The following ZBTB7C variants were observed in gnomAD, a reference collection of about 807,000 sequenced individuals.
The protein encoded by ZBTB7C is zinc finger and BTB domain containing 7C.
In ZBTB7C, 8 loss-of-function variants were observed where a neutral mutation model predicts 25.7. That is an observed-to-expected ratio of 0.31 (90% CI 0.18 to 0.56). ZBTB7C has a LOEUF of 0.56. Among genes scored for constraint, ZBTB7C ranks in the 20% least tolerant of loss-of-function variants. ZBTB7C has a pLI of 0.91. For synonymous variants in ZBTB7C, 394 were observed against 369.0 expected, an observed-to-expected ratio of 1.07 and a Z score of -0.78; for missense variants, 824 against 855.2, an observed-to-expected ratio of 0.96 and a Z score of 0.46.
chr18:48,202,184 G>A (rs115956819), intron 2 of ZBTB7C, among the ~76,000 whole-genome samples: 2,837 of 152,320 alleles, frequency 0.019, 97 homozygotes, highest in African/African-American at 0.065. Context: ...TGCAGGGGCT[G>A]GGAGGAGGCA....
intron 1 of ZBTB7C, among the ~76,000 whole-genome samples, chr18:48,388,622 G>A (rs1400722997): frequency 1.3e-5 from 2 of 152,178 alleles, no homozygotes; most frequent in Admixed American, 1.3e-4. Context: ...GGTAGTACAT[G>A]CCTGTGATCC....
intron 1 of ZBTB7C, among the ~76,000 whole-genome samples, chr18:48,404,811 T>C (rs1385956930): frequency 1.3e-5 from 2 of 148,932 alleles, no homozygotes; most frequent in Non-Finnish European, 3.0e-5. Context: ...GCAGCATTCA[T>C]TCAGCAAATG....
At chr18:48,314,799 G>A (rs989992599) in intron 2 of ZBTB7C, among the ~76,000 whole-genome samples, 6 of 152,152 alleles carry the variant, frequency 3.9e-5, no homozygotes, top group African/African-American at 1.4e-4. Context: ...AAGGGTGCAG[G>A]CTGCAGGCCA....
chr18:48,321,732 C>T (rs1255054788), intron 2 of ZBTB7C, among the ~76,000 whole-genome samples: 1 of 152,182 alleles, frequency 6.6e-6, no homozygotes, highest in Non-Finnish European at 1.5e-5. Context: ...CTCCCAAGGG[C>T]AGCCAGCCTC....
At chr18:48,206,279 G>A (rs2042574334) in intron 2 of ZBTB7C, among the ~76,000 whole-genome samples, 1 of 152,196 alleles carries the variant, frequency 6.6e-6, no homozygotes, top group African/African-American at 2.4e-5. Context: ...ATAGAATCCA[G>A]AGATAGACAT....
chr18:48,171,573 G>A lies in ZBTB7C; in HGVS notation c.-17+14361C>T, dbSNP rs1382745209. On this transcript the variant is annotated intron_variant, in intron 3 of 4. Coordinates refer to ENST00000590800, the MANE Select transcript of ZBTB7C (RefSeq NM_001318841.2). ...TTAATGCCTGGAGGGCAAGGATGCT[G>A]TACCCATTCCTGCAGCCCCAGCCCC... Among the ~76,000 whole-genome samples, 4 of 152,264 alleles carry A rather than the reference G, an allele frequency of 2.6e-5. No individual in the cohort carries two copies. The South Asian group carries it at 8.3e-4, about 31-fold the overall frequency.
intron 1 of ZBTB7C, among the ~76,000 whole-genome samples, chr18:48,383,572 G>T (rs1294749052): frequency 6.6e-6 from 1 of 152,144 alleles, no homozygotes; most frequent in Non-Finnish European, 1.5e-5. Context: ...CTGGCCAAGT[G>T]CAATCTTTTT....
chr18:48,165,201 G>C (rs1376821556), intron 3 of ZBTB7C: 2 of 1,125,188 alleles, frequency 1.8e-6, no homozygotes, highest in Non-Finnish European at 2.4e-6. Context: ...AGGTCACAAA[G>C]CAATTTAGAG....
chr18:48,151,194 T>C (rs973655099), intron 3 of ZBTB7C, among the ~76,000 whole-genome samples: 2 of 152,198 alleles, frequency 1.3e-5, no homozygotes, highest in Non-Finnish European at 2.9e-5. Flanking sequence ...GGATTGCATC[T>C]GAAGCATGTT....
At chr18:48,230,416 G>A (rs1383675667) in intron 2 of ZBTB7C, among the ~76,000 whole-genome samples, 3 of 151,838 alleles carry the variant, frequency 2.0e-5, no homozygotes, top group African/African-American at 7.3e-5. Context: ...GAATCCCTGT[G>A]TATTCCTTTT....
chr18:48,396,955 C>A (rs1297835509), intron 1 of ZBTB7C, among the ~76,000 whole-genome samples: 2 of 152,206 alleles, frequency 1.3e-5, no homozygotes, highest in African/African-American at 4.8e-5. Flanking sequence ...TCTGATATTT[C>A]TTGGTGCTGT....
chr18:48,253,564 G>A (rs2043932185), intron 2 of ZBTB7C, among the ~76,000 whole-genome samples: 1 of 152,184 alleles, frequency 6.6e-6, no homozygotes, highest in East Asian at 1.9e-4. Flanking sequence ...CATTCTTCCT[G>A]AGTAGAAGAG....
At chr18:48,186,696 C>T (rs527537816) in intron 2 of ZBTB7C, among the ~76,000 whole-genome samples, 8 of 152,276 alleles carry the variant, frequency 5.3e-5, no homozygotes, top group South Asian at 4.1e-4. Flanking sequence ...GGGCAATTAA[C>T]GCCCAGAGGC....
rs540262753 is a variant in ZBTB7C at position 48,325,930 on chromosome 18, G to A, written c.-79+12244C>T. On this transcript the variant is annotated intron_variant, in intron 2 of 4. Coordinates refer to ENST00000590800, the MANE Select transcript of ZBTB7C (RefSeq NM_001318841.2). ...ATAAGTCTTCACCAAAACCACCATA[G>A]GAAATGACAGCAAAGACTATTATCT... Among the ~76,000 whole-genome samples the A allele has an allele frequency of 1.2e-4, 18 of 152,084 alleles. No individual in the cohort carries two copies. The South Asian group carries it at 3.5e-3, about 30-fold the overall frequency.
chr18:48,091,089 T>A (rs1384007223), intron 3 of ZBTB7C, among the ~76,000 whole-genome samples: 1 of 151,688 alleles, frequency 6.6e-6, no homozygotes. Flanking sequence ...TTTTTTTTTT[T>A]AAAAGACAGG....
At position 48,318,740 on chromosome 18, in the gene ZBTB7C, T is replaced by G. The variant is rs2046014675; in HGVS notation, c.-79+19434A>C. On this transcript the variant is annotated intron_variant, in intron 2 of 4. Coordinates refer to ENST00000590800, the MANE Select transcript of ZBTB7C (RefSeq NM_001318841.2). ...CCCAGCCCTCAGGCTCCGCACCACTTTCATTGGTTCCTAATATTCAAAGAG... is the reference window on the plus strand; with the variant it reads ...CCCAGCCCTCAGGCTCCGCACCACTGTCATTGGTTCCTAATATTCAAAGAG... Among the ~76,000 whole-genome samples the G allele has an allele frequency of 2.6e-5, 4 of 152,244 alleles. No individual in the cohort carries two copies. The South Asian group carries it at 8.3e-4, about 32-fold the overall frequency.
intron 1 of ZBTB7C, among the ~76,000 whole-genome samples, chr18:48,363,486 C>T (rs116644448): frequency 0.017 from 2,553 of 152,104 alleles, 80 homozygotes; most frequent in African/African-American, 0.058. Flanking sequence ...AAACAACTCT[C>T]GGCAACATGA....
intron 3 of ZBTB7C, among the ~76,000 whole-genome samples, chr18:48,049,247 T>G (rs568392456): frequency 1.2e-4 from 18 of 152,322 alleles, no homozygotes; most frequent in African/African-American, 3.6e-4. Flanking sequence ...ACTAGGAACA[T>G]GAAGTGCTGG....
At chr18:48,187,505 T>G (rs998824374) in intron 2 of ZBTB7C, among the ~76,000 whole-genome samples, 7 of 151,606 alleles carry the variant, frequency 4.6e-5, no homozygotes, top group African/African-American at 1.7e-4. Context: ...CCTAGAGAAG[T>G]CAAATCCATA....
Sources: gnomAD v4.1 joint callset for allele counts (sites outside exome capture counted in the v4.1 genomes callset) on GRCh38, gnomAD v4.1.1 for gene constraint, MANE v1.5 for transcripts, NCBI Gene and HGNC (gene_info 2026-07-23, HGNC 2026-07-21) for gene names.